The following OR4F16 variants were observed in gnomAD, a reference collection of about 807,000 sequenced individuals.
OR4F16 encodes olfactory receptor family 4 subfamily F member 16, also known as olfactory receptor 4F3/4F16/4F29.
the OR4F16 span, chr1:702,315 C>T: frequency 2.0e-5 from 3 of 146,582 alleles, no homozygotes; most frequent in African/African-American, 7.6e-5. Flanking sequence ...CCATTGCACT[C>T]CAGCCTGGGC....
chr1:715,708 T>A, the OR4F16 span, among the ~76,000 whole-genome samples: 4 of 98,752 alleles, frequency 4.1e-5, no homozygotes, highest in South Asian at 7.6e-4. Context: ...GGCATGTGCC[T>A]GTAGTACCAG....
upstream of OR4F16, among the ~76,000 whole-genome samples, chr1:691,257 A>G (rs1342640784): frequency 1.3e-5 from 2 of 152,026 alleles, no homozygotes; most frequent in African/African-American, 2.4e-5. Context: ...GCCTACCTAC[A>G]TAAGTGACTT....
the OR4F16 span, among the ~76,000 whole-genome samples, chr1:708,143 C>CA: frequency 3.6e-3 from 134 of 37,550 alleles, no homozygotes; most frequent in African/African-American, 0.016. Context: ...TGCAGAAAAC[C>CA]ACATTTGATA....
chr1:701,570 C>T, the OR4F16 span, among the ~76,000 whole-genome samples: 1 of 150,272 alleles, frequency 6.7e-6, no homozygotes, highest in Admixed American at 6.7e-5. Flanking sequence ...GCAGGCTGTA[C>T]ATATACACCA....
upstream of OR4F16, among the ~76,000 whole-genome samples, chr1:690,043 C>T (rs539995063): frequency 1.5e-5 from 2 of 131,660 alleles, no homozygotes; most frequent in African/African-American, 6.3e-5. Context: ...CGGACTGTGA[C>T]ATTGGGTTGC....
chr1:690,862 C>T (rs1250176651), upstream of OR4F16, among the ~76,000 whole-genome samples: 1 of 148,064 alleles, frequency 6.8e-6, no homozygotes, highest in Non-Finnish European at 1.5e-5. Context: ...TCGTAGGGAA[C>T]AATAATTTAT....
the OR4F16 span, among the ~76,000 whole-genome samples, chr1:701,519 T>A: frequency 6.6e-6 from 1 of 150,394 alleles, no homozygotes. Flanking sequence ...AGAGGTTCTG[T>A]CAGACTGCTC....
chr1:701,788 AGGAAGAGAAGC>A, the OR4F16 span: 1 of 151,198 alleles, frequency 6.6e-6, no homozygotes, highest in Non-Finnish European at 1.5e-5. Flanking sequence ...GGGTGAGAAA[AGGAAGAGAAGC>A]AGAAAAGATA....
chr1:690,076 C>T (rs1216222260), upstream of OR4F16, among the ~76,000 whole-genome samples: 1 of 125,002 alleles, frequency 8.0e-6, no homozygotes, highest in African/African-American at 3.3e-5. Context: ...AGAGAAAGGG[C>T]AGTTGCTTCT....
chr1:717,239 A>G, the OR4F16 span, among the ~76,000 whole-genome samples: 1 of 151,176 alleles, frequency 6.6e-6, no homozygotes, highest in South Asian at 2.1e-4. Flanking sequence ...GAATGTTGAA[A>G]ACTCAGAGAG....
chr1:676,743 G>A, the OR4F16 span, among the ~76,000 whole-genome samples: 1 of 120,674 alleles, frequency 8.3e-6, no homozygotes, highest in Non-Finnish European at 1.6e-5. Flanking sequence ...CATCTCCCTG[G>A]AACAGACCAC....
upstream of OR4F16, among the ~76,000 whole-genome samples, chr1:691,207 C>A (rs1375225257): frequency 2.0e-5 from 3 of 151,938 alleles, no homozygotes; most frequent in African/African-American, 7.3e-5. Flanking sequence ...ATGCCTACCA[C>A]ATAGTATAGC....
At chr1:713,993 TA>T in the OR4F16 span, among the ~76,000 whole-genome samples, 1 of 143,976 alleles carries the variant, frequency 6.9e-6, no homozygotes, top group African/African-American at 2.6e-5. Flanking sequence ...CTGGGCATTA[TA>T]TACACATATG....
the OR4F16 span, among the ~76,000 whole-genome samples, chr1:711,116 AG>A: frequency 8.7e-6 from 1 of 115,192 alleles, no homozygotes. Flanking sequence ...AAAGCCTTAG[AG>A]AAGATTCAAG....
chr1:715,751 G>A, the OR4F16 span, among the ~76,000 whole-genome samples: 6 of 139,072 alleles, frequency 4.3e-5, no homozygotes, highest in African/African-American at 1.7e-4. Flanking sequence ...AGAATAGCTT[G>A]AGTCTGGGAG....
chr1:701,300 A>C, the OR4F16 span, among the ~76,000 whole-genome samples: 4 of 149,818 alleles, frequency 2.7e-5, no homozygotes, highest in Admixed American at 6.7e-5. Context: ...AAACGCACCA[A>C]AGTCATATTC....
chr1:701,359 A>G, the OR4F16 span, among the ~76,000 whole-genome samples: 1 of 149,804 alleles, frequency 6.7e-6, no homozygotes, highest in Non-Finnish European at 1.5e-5. Flanking sequence ...AAAAAATAGG[A>G]AAAATACCGA....
At chr1:701,319 G>GA in the OR4F16 span, among the ~76,000 whole-genome samples, 1 of 149,954 alleles carries the variant, frequency 6.7e-6, no homozygotes, top group South Asian at 2.1e-4. Flanking sequence ...TCTGATGGGA[G>GA]AATTAGAAAA....
chr1:715,624 G>A, the OR4F16 span, among the ~76,000 whole-genome samples: 1 of 99,106 alleles, frequency 1.0e-5, no homozygotes, highest in South Asian at 3.8e-4. Context: ...CTTGAGCCCA[G>A]AAATTCCAGA....
Sources: gnomAD v4.1 joint callset for allele counts (sites outside exome capture counted in the v4.1 genomes callset) on GRCh38, gnomAD v4.1.1 for gene constraint, MANE v1.5 for transcripts, NCBI Gene and HGNC (gene_info 2026-07-23, HGNC 2026-07-21) for gene names.